TESC: variants seen among roughly 807,000 people sequenced by gnomAD.
The protein encoded by TESC is tescalcin.
In TESC, 19 loss-of-function variants were observed where a neutral mutation model predicts 31.0. That is an observed-to-expected ratio of 0.61 (90% CI 0.43 to 0.90). The LOEUF (loss-of-function observed/expected upper bound fraction) is 0.90, where lower values mean the gene tolerates loss of function less well. TESC is among the 40% of genes least tolerant of loss of function. The pLI, the probability that TESC is intolerant of heterozygous loss-of-function variation, is 0.00. For missense variants in TESC, 248 were observed against 303.8 expected (o/e 0.82, Z 1.36); for synonymous variants, 109 against 114.8 (o/e 0.95, Z 0.32).
At chr12:117,067,620 A>G (rs1299818478) in intron 2 of TESC, among the ~76,000 whole-genome samples, 1 of 152,192 alleles carries the variant, frequency 6.6e-6, no homozygotes, top group Non-Finnish European at 1.5e-5. Flanking sequence ...AAACAAAGCA[A>G]AGTGACTGGG....
chr12:117,095,227 A>G (rs1955374977), intron 1 of TESC, among the ~76,000 whole-genome samples: 1 of 147,400 alleles, frequency 6.8e-6, no homozygotes, highest in South Asian at 2.2e-4. Context: ...GGCGTCTGCC[A>G]CCGCGCACAG....
chr12:117,042,399 C>T (rs1315104672), intron 6 of TESC, among the ~76,000 whole-genome samples: 1 of 152,220 alleles, frequency 6.6e-6, no homozygotes. Context: ...CACCAAGATG[C>T]CTCCTGTACC....
At chr12:117,039,345 A>G (rs899177264) in intron 7 of TESC, 135 bp from the exon 8 acceptor site, 2 of 816,782 alleles carry the variant, frequency 2.4e-6, no homozygotes, top group Non-Finnish European at 4.0e-6. Flanking sequence ...TGAAAACCAG[A>G]GGGCTGTGTT....
intron 2 of TESC, among the ~76,000 whole-genome samples, chr12:117,061,895 G>A (rs989843519): frequency 2.6e-5 from 4 of 152,302 alleles, no homozygotes; most frequent in East Asian, 3.9e-4. Context: ...TCTTCAAGCC[G>A]TGATTTCTCA....
rs1592992896 is a variant in TESC at position 117,046,640 on chromosome 12, G to A, written c.438C>T (p.Asn146=). The A allele has an allele frequency of 6.4e-7, 1 of 1,551,944 alleles. No homozygotes were observed. The highest frequency in any genetic ancestry group is 8.7e-7 in the Non-Finnish European group (1 of 1,147,150). ...RNVVEELLSG[N]PHIEKESARS... The stretch of plus-strand genomic sequence containing the variant: ...GAGCGGACTCCTTCTCGATGTGAGG[G>A]TTTCCCGACAGCAGCTCCTCGACCA... The change falls in exon 6 of 8, where the codon AAC becomes AAT. Residue 146 remains asparagine (N), a synonymous_variant. Transcript: ENST00000335209.
In TESC at chr12:117,039,121, G is replaced by GGTGGCGGTGGGTCA. The variant is rs2135740571; in HGVS notation, c.643_*11dup. The GGTGGCGGTGGGTCA allele has an allele frequency of 6.2e-7, 1 of 1,613,782 alleles. No individual in the cohort carries two copies. The highest frequency in any genetic ancestry group is 2.2e-5 in the East Asian group (1 of 44,872). Reference sequence around the variant, plus strand: ...TTGCAAAGTGCAGTTTCTCCGCGGAGGTGGCGGTGGGTCAGTGGCAGAGGG... The same window carrying GGTGGCGGTGGGTCA: ...TTGCAAAGTGCAGTTTCTCCGCGGAGGTGGCGGTGGGTCAGTGGCGGTGGGTCAGTGGCAGAGGG... On this transcript the variant is annotated 3_prime_UTR_variant, in exon 8 of 8. Transcript: ENST00000335209.
intron 1 of TESC, among the ~76,000 whole-genome samples, chr12:117,076,293 G>C (rs1000870521): frequency 6.6e-6 from 1 of 152,060 alleles, no homozygotes; most frequent in Non-Finnish European, 1.5e-5. Context: ...ACTGAGAAAT[G>C]TATGGAGAAT....
intron 2 of TESC, among the ~76,000 whole-genome samples, chr12:117,058,873 C>T (rs868042750): frequency 6.6e-6 from 1 of 152,236 alleles, no homozygotes; most frequent in African/African-American, 2.4e-5. Context: ...CAGGCAGGGG[C>T]GTCAGCCACT....
chr12:117,046,732 G>C, intron 5 of TESC, 45 bp downstream of exon 5: 1 of 1,554,096 alleles, frequency 6.4e-7, no homozygotes, highest in South Asian at 1.2e-5. Flanking sequence ...GGGCAGAGGG[G>C]GAAGGCACCA....
At chr12:117,094,117 C>A (rs1003358635) in intron 1 of TESC, among the ~76,000 whole-genome samples, 2 of 152,276 alleles carry the variant, frequency 1.3e-5, no homozygotes, top group Non-Finnish European at 2.9e-5. Flanking sequence ...TCAATCACAC[C>A]CCCGGGACGC....
chr12:117,045,075 C>T (rs1349904443), intron 6 of TESC, among the ~76,000 whole-genome samples: 1 of 152,230 alleles, frequency 6.6e-6, no homozygotes, highest in Admixed American at 6.5e-5. Flanking sequence ...TTGCCCCCAG[C>T]TCAGGCCGCA....
At chr12:117,093,656 T>C (rs1483533115) in intron 1 of TESC, among the ~76,000 whole-genome samples, 1 of 152,222 alleles carries the variant, frequency 6.6e-6, no homozygotes, top group Non-Finnish European at 1.5e-5. Context: ...ACCAACCGTG[T>C]TCCTGGGAGG....
At chr12:117,084,242 T>A (rs1193326200) in intron 1 of TESC, among the ~76,000 whole-genome samples, 1 of 152,206 alleles carries the variant, frequency 6.6e-6, no homozygotes, top group Non-Finnish European at 1.5e-5. Flanking sequence ...ACCTTGGGGA[T>A]GAAGGGGCAA....
intron 3 of TESC, among the ~76,000 whole-genome samples, chr12:117,052,915 C>A (rs1014092254): frequency 1.3e-5 from 2 of 150,744 alleles, no homozygotes; most frequent in Non-Finnish European, 2.9e-5. Flanking sequence ...GCCTGTTGTT[C>A]CCCTGCTCAG....
chr12:117,051,135 C>CTAA (rs1954642112), intron 3 of TESC, among the ~76,000 whole-genome samples: 1 of 152,198 alleles, frequency 6.6e-6, no homozygotes, highest in South Asian at 2.1e-4. Flanking sequence ...GGGTGGCTAA[C>CTAA]AGTTAGTGGT....
chr12:117,088,579 G>A (rs916038595), intron 1 of TESC, among the ~76,000 whole-genome samples: 2 of 151,948 alleles, frequency 1.3e-5, no homozygotes. Context: ...TACTCAGGAG[G>A]CTGAGGCACA....
At chr12:117,059,634 A>G (rs1954774445) in intron 2 of TESC, among the ~76,000 whole-genome samples, 3 of 152,152 alleles carry the variant, frequency 2.0e-5, no homozygotes, top group Admixed American at 1.3e-4. Flanking sequence ...ATCTCGGCTC[A>G]ATCTCCATGG....
chr12:117,060,606 G>A (rs1219943678), intron 2 of TESC, among the ~76,000 whole-genome samples: 1 of 152,100 alleles, frequency 6.6e-6, no homozygotes, highest in Non-Finnish European at 1.5e-5. Flanking sequence ...CAACTTGGCC[G>A]GAGCCACCTC....
At position 117,061,211 on chromosome 12, in the gene TESC, C is replaced by T. The variant is rs139453766; in HGVS notation, c.129-4325G>A. On this transcript the variant is annotated intron_variant, in intron 2 of 7. Transcript: ENST00000335209. ...GATGGCACCTTGCAGGATGGGGACC[C>T]TGTGATGTCCACAGCACCCCGTCCT... is the stretch of plus-strand genomic sequence containing the variant. 4.3e-3 allele frequency among the ~76,000 whole-genome samples: 651 copies of T among 152,322 alleles called. 4 individuals carry two copies. Among genetic ancestry groups the T allele is most frequent in the African/African-American group, 0.013 (558 of 41,578 alleles).
Sources: allele counts gnomAD v4.1 joint callset (sites outside exome capture counted in the v4.1 genomes callset), GRCh38; gene constraint gnomAD v4.1.1; transcripts MANE v1.5; gene names NCBI Gene and HGNC (gene_info 2026-07-23, HGNC 2026-07-21).